TSHZ1: variants seen among roughly 807,000 people sequenced by gnomAD.
TSHZ1 encodes the protein teashirt zinc finger homeobox 1.
TSHZ1 carries 12 observed loss-of-function variants against 67.1 expected under a neutral mutation model. The ratio of observed to expected loss-of-function variants is 0.18; its 90% CI spans 0.11 to 0.29. TSHZ1 has a LOEUF of 0.29. Among genes scored for constraint, TSHZ1 ranks in the 10% least tolerant of loss-of-function variants. The pLI is 1.00. For synonymous variants in TSHZ1, 632 were observed against 622.4 expected (o/e 1.02, Z -0.23); for missense variants, 1,305 against 1,413.9 (o/e 0.92, Z 1.23).
rs2022682844 is a variant in TSHZ1 at position 75,211,457 on chromosome 18, C to T, written c.-420C>T. On this transcript the variant is annotated 5_prime_UTR_variant, in exon 1 of 2. Transcript: ENST00000580243. ...GACTCTCGGCTCGCGGAAGAAGGCG[C>T]AGGGGAGCGCCCGGAGCGGCGCGCC... 6.6e-6 allele frequency: 1 copy of T among 150,856 alleles called. No individual in the cohort carries two copies. 9.3% of individuals were successfully genotyped at this position (150,856 alleles called of 1,614,324 possible).
At chr18:75,267,387 G>C (rs967096780) in intron 1 of TSHZ1, among the ~76,000 whole-genome samples, 2 of 152,210 alleles carry the variant, frequency 1.3e-5, no homozygotes, top group African/African-American at 4.8e-5. Context: ...TAGTGGTAAG[G>C]GTTTCTTCAG....
At position 75,286,039 on chromosome 18, in the gene TSHZ1, C is replaced by T. The variant is rs756592040; in HGVS notation, c.632C>T (p.Thr211Met). ...GCACTGGCCAAGACGCTGCAGCAGACGTCCTCGTATGGGCTGCTTCCTGAG... is the reference window on the plus strand; with the variant it reads ...GCACTGGCCAAGACGCTGCAGCAGATGTCCTCGTATGGGCTGCTTCCTGAG... ...QAALAKTLQQ[T>M]SSYGLLPEPS... The change falls in exon 2 of 2, where the codon ACG becomes ATG. Residue 211 changes from threonine (T) to methionine (M), a missense_variant. By Grantham distance (81) the Thr-to-Met change is moderately conservative. This residue lies in a region of TSHZ1 where 358 missense variants were observed against 375.6 expected (regional missense o/e 0.95). Transcript: ENST00000580243. This position sits in a 1 kb window ranked among gnomAD's most constrained non-coding sequence, Gnocchi z 5.1. 6.2e-6 allele frequency: 10 copies of T among 1,612,960 alleles called. No homozygotes were observed. The highest frequency in any genetic ancestry group is 3.3e-5 in the Admixed American group (2 of 59,938).
chr18:75,287,772 G>A lies in TSHZ1; in HGVS notation c.2365G>A (p.Ala789Thr), dbSNP rs376218267. The A allele has an allele frequency of 2.8e-5, 45 of 1,614,144 alleles. No homozygotes were observed. Among genetic ancestry groups the A allele is most frequent in the African/African-American group, 1.9e-4 (14 of 75,050 alleles). Residue 789 changes from alanine (A) to threonine (T), a missense_variant, in exon 2 of 2, where the codon GCC becomes ACC. By Grantham distance (58) the Ala-to-Thr change is moderately conservative. Around this residue, in one of 3 missense-constraint regions of TSHZ1, gnomAD observed 909 missense variants for 961.8 expected, o/e 0.95. Transcript: ENST00000580243. This position sits in a 1 kb window ranked among gnomAD's most constrained non-coding sequence, Gnocchi z 5.0. ...CATGCTGGACAAGCCGGTGTACCCCGCCACCCCTGTGAAGCAGGCCGATGC... is the reference window on the plus strand; with the variant it reads ...CATGCTGGACAAGCCGGTGTACCCCACCACCCCTGTGAAGCAGGCCGATGC... ...NSMLDKPVYP[A>T]TPVKQADAID...
In TSHZ1 at chr18:75,287,554, C is replaced by T. The variant is rs747758713; in HGVS notation, c.2147C>T (p.Thr716Ile). The T allele has an allele frequency of 1.9e-6, 3 of 1,614,246 alleles. No individual in the cohort carries two copies. Among genetic ancestry groups the T allele is most frequent in the Non-Finnish European group, 2.5e-6 (3 of 1,180,044 alleles). ...GPLDVHTPNG[T>I]EPLKAKVTNG... The stretch of plus-strand genomic sequence containing the variant: ...CTGGACGTTCACACCCCAAATGGCA[C>T]AGAGCCTCTCAAAGCAAAGGTCACC... The change falls in exon 2 of 2, where the codon ACA becomes ATA. Residue 716 changes from threonine to isoleucine, a missense_variant. Physicochemically the swap from Thr to Ile is moderately conservative, Grantham distance 89. Coordinates refer to ENST00000580243, the MANE Select transcript of TSHZ1 (RefSeq NM_001308210.2). The surrounding 1 kb of genome is among the most constrained non-coding windows in gnomAD (Gnocchi z 5.0).
rs1379534050 is a variant in TSHZ1 at position 75,285,785 on chromosome 18, G to A, written c.378G>A (p.Glu126=). 3 of 1,614,108 alleles carry A rather than the reference G, an allele frequency of 1.9e-6. No homozygotes were observed. Among genetic ancestry groups the A allele is most frequent in the African/African-American group, 2.7e-5 (2 of 75,020 alleles). ...CTGTGTATGCAAACTTGTTCTCCGA[G>A]TCCTGCTGGTCCAGCTTAGCTCTGG... The part of the protein sequence containing the change: ...IKAVYANLFS[E]SCWSSLALDL... The change falls in exon 2 of 2, where the codon GAG becomes GAA. Residue 126 remains glutamate, a synonymous_variant. Transcript: ENST00000580243.
intron 1 of TSHZ1, among the ~76,000 whole-genome samples, chr18:75,264,466 G>A (rs953541125): frequency 7.4e-5 from 11 of 148,470 alleles, no homozygotes; most frequent in African/African-American, 2.7e-4. Flanking sequence ...GTTCTCCCAG[G>A]AACTATTACA....
intron 1 of TSHZ1, among the ~76,000 whole-genome samples, chr18:75,216,006 G>A (rs984566719): frequency 1.3e-5 from 2 of 152,114 alleles, no homozygotes; most frequent in African/African-American, 4.8e-5. Context: ...AGGGTTGGAA[G>A]GGGAGGGGGG....
rs1272368366 is a variant in TSHZ1, at chr18:75,285,930, C to CCCAGCACCAGCTGCAGCT, written c.535_552dup (p.Cys179_Ser184dup). The stretch of plus-strand genomic sequence containing the variant: ...CACCACTGGCCCCACCACGAGCACG[C>CCCAGCACCAGCTGCAGCT]CCAGCACCAGCTGCAGCTCCAGCAC... On this transcript the variant is annotated inframe_insertion, in exon 2 of 2. Transcript: ENST00000580243. 2.6e-6 allele frequency: 4 copies of CCCAGCACCAGCTGCAGCT among 1,550,770 alleles called. No homozygotes were observed. The highest frequency in any genetic ancestry group is 3.9e-5 in the Admixed American group (2 of 51,692).
In TSHZ1 at chr18:75,263,028, G is replaced by A. The variant is rs116621166; in HGVS notation, c.41-22420G>A. Among the ~76,000 whole-genome samples the A allele has an allele frequency of 3.6e-3, 552 of 152,224 alleles. 2 individuals carry two copies. The highest frequency in any genetic ancestry group is 0.013 in the African/African-American group (531 of 41,534). ...TGTCGTATGATTAAGACAAGAGGCC[G>A]GTTTTCTGGGTAACAGTCCAGAGCT... On this transcript the variant is annotated intron_variant, in intron 1 of 1. Coordinates refer to ENST00000580243, the MANE Select transcript of TSHZ1 (RefSeq NM_001308210.2).
intron 1 of TSHZ1, among the ~76,000 whole-genome samples, chr18:75,244,376 C>T (rs945552499): frequency 5.3e-5 from 8 of 152,228 alleles, no homozygotes; most frequent in African/African-American, 1.7e-4. Context: ...TGTCTGTCCT[C>T]TCCAAGGCAT....
chr18:75,246,484 G>A (rs1439439564), intron 1 of TSHZ1, among the ~76,000 whole-genome samples: 1 of 149,390 alleles, frequency 6.7e-6, no homozygotes, highest in Non-Finnish European at 1.5e-5. Flanking sequence ...CCCTGTATCA[G>A]GTCCATCAAA....
Position 75,288,433 on chromosome 18 carries a change from A to C in TSHZ1, c.3026A>C (p.Gln1009Pro). 6.2e-7 allele frequency: 1 copy of C among 1,614,226 alleles called. No homozygotes were observed. The highest frequency in any genetic ancestry group is 1.3e-5 in the African/African-American group (1 of 75,072). ...DLSKLPLNQI[Q>P]EQQNVSKVLT... Reference sequence around the variant, plus strand: ...TCCAAGCTGCCACTCAATCAGATTCAAGAACAGCAGAATGTTTCGAAAGTC... The same window carrying C: ...TCCAAGCTGCCACTCAATCAGATTCCAGAACAGCAGAATGTTTCGAAAGTC... The change falls in exon 2 of 2, where the codon CAA (glutamine) becomes CCA (proline). Residue 1009 changes from glutamine to proline, a missense_variant. Gln to Pro is a moderately conservative substitution (Grantham distance 76). Transcript: ENST00000580243. The surrounding 1 kb of genome is among the most constrained non-coding windows in gnomAD (Gnocchi z 4.9).
chr18:75,263,913 T>C (rs530671181), intron 1 of TSHZ1, among the ~76,000 whole-genome samples: 80 of 152,362 alleles, frequency 5.3e-4, no homozygotes, highest in African/African-American at 1.9e-3. Flanking sequence ...GTCAGGCATC[T>C]AAGATGCTTT....
intron 1 of TSHZ1, among the ~76,000 whole-genome samples, chr18:75,256,180 A>G (rs2023360058): frequency 6.6e-6 from 1 of 152,238 alleles, no homozygotes; most frequent in African/African-American, 2.4e-5. Flanking sequence ...TTTAAGATGA[A>G]TTAATTTTCA....
At chr18:75,218,738 T>C (rs1051306901) in intron 1 of TSHZ1, among the ~76,000 whole-genome samples, 1 of 152,102 alleles carries the variant, frequency 6.6e-6, no homozygotes, top group African/African-American at 2.4e-5. Flanking sequence ...CTATAAAAAG[T>C]AAATGGTAAA....
chr18:75,275,812 G>A (rs2023608028), intron 1 of TSHZ1, among the ~76,000 whole-genome samples: 1 of 152,182 alleles, frequency 6.6e-6, no homozygotes, highest in Non-Finnish European at 1.5e-5. Flanking sequence ...TGGAGTAAGA[G>A]AACATTTCCA....
Position 75,288,860 on chromosome 18 carries a change from A to C in TSHZ1, c.*219A>C. On this transcript the variant is annotated 3_prime_UTR_variant, in exon 2 of 2. Transcript: ENST00000580243. This position sits in a 1 kb window ranked among gnomAD's most constrained non-coding sequence, Gnocchi z 4.9. ...AGTCAAAGTCTGACCTTTATTTTCAACATCTGTTCTTGGTGTTAAGCTATC... is the reference window on the plus strand; with the variant it reads ...AGTCAAAGTCTGACCTTTATTTTCACCATCTGTTCTTGGTGTTAAGCTATC... The C allele has an allele frequency of 3.2e-6, 2 of 625,120 alleles. No homozygotes were observed. Among genetic ancestry groups the C allele is most frequent in the Non-Finnish European group, 2.4e-6 (1 of 409,276 alleles). 38.7% of individuals were successfully genotyped at this position (625,120 alleles called of 1,614,324 possible).
At chr18:75,211,943 G>A (rs1201250208) in intron 1 of TSHZ1, 27 bp downstream of exon 1, 5 of 1,203,936 alleles carry the variant, frequency 4.2e-6, no homozygotes, top group Non-Finnish European at 2.1e-6. Context: ...CCGCGCCGCG[G>A]GGAGTGGGCG....
chr18:75,288,776 A>T lies in TSHZ1; in HGVS notation c.*135A>T. The T allele has an allele frequency of 7.2e-7, 1 of 1,389,968 alleles. No individual in the cohort carries two copies. The highest frequency in any genetic ancestry group is 9.5e-7 in the Non-Finnish European group (1 of 1,049,424). 86.1% of individuals were successfully genotyped at this position (1,389,968 alleles called of 1,614,324 possible). ...TCTGGACCTTGGTTTTCTTACACAT[A>T]TTTTGTATATTTATATGCTCTCTGT... On this transcript the variant is annotated 3_prime_UTR_variant, in exon 2 of 2. Transcript: ENST00000580243. The surrounding 1 kb of genome is among the most constrained non-coding windows in gnomAD (Gnocchi z 4.9).
Sources: allele counts gnomAD v4.1 joint callset (sites outside exome capture counted in the v4.1 genomes callset), GRCh38; gene constraint gnomAD v4.1.1; regional missense constraint gnomAD v4.1.1; non-coding constraint Gnocchi (gnomAD v3.1); transcripts MANE v1.5; gene names NCBI Gene and HGNC (gene_info 2026-07-23, HGNC 2026-07-21).